Variants in NLRP2 observed in about 807,000 individuals in gnomAD.
The protein encoded by NLRP2 is NACHT, LRR and PYD domains-containing protein 2.
A neutral mutation model predicts 97.2 loss-of-function variants in NLRP2; 107 were observed. That is an observed-to-expected ratio of 1.10 (90% CI 0.94 to 1.29). The LOEUF is 1.29. NLRP2 is among the 50% of genes most tolerant of loss of function. NLRP2 has a pLI of 0.00. For missense variants in NLRP2, 1,495 were observed against 1,330.3 expected (o/e 1.12, Z -1.93); for synonymous variants, 663 against 551.5 (o/e 1.20, Z -2.83).
intron 4 of NLRP2, among the ~76,000 whole-genome samples, chr19:54,981,405 G>A (rs1244698850): frequency 6.6e-6 from 1 of 151,826 alleles, no homozygotes; most frequent in Non-Finnish European, 1.5e-5. Context: ...GAGCTCAAGT[G>A]ATCCACCCCA....
At chr19:54,986,956 G>A (rs1056326335) in intron 8 of NLRP2, among the ~76,000 whole-genome samples, 4 of 150,782 alleles carry the variant, frequency 2.7e-5, no homozygotes, top group African/African-American at 9.8e-5. Context: ...ATGATCTCAG[G>A]TCACTGCAGC....
At chr19:54,996,307 G>A (rs1568540627) in intron 11 of NLRP2, among the ~76,000 whole-genome samples, 1 of 151,980 alleles carries the variant, frequency 6.6e-6, no homozygotes, top group South Asian at 2.1e-4. Context: ...TCGTAGACCA[G>A]CCTGTCTCTA....
At chr19:54,973,344 G>GGTT (rs34737733) in intron 2 of NLRP2, among the ~76,000 whole-genome samples, 1 of 92,524 alleles carries the variant, frequency 1.1e-5, no homozygotes, top group Non-Finnish European at 2.0e-5. Context: ...ATGGGTGAGG[G>GGTT]TTTTTTTTTT....
chr19:54,999,026 C>CA lies in NLRP2; in HGVS notation c.3050+1540dup, dbSNP rs1327504973. On this transcript the variant is annotated intron_variant, in intron 12 of 12. Transcript: ENST00000448584. ...GAACAAAATGGGGGGCTGACCCCCC[C>CA]ACCTCCCTCCCGGACAGGGCGGCTG... 2.6e-3 allele frequency among the ~76,000 whole-genome samples: 239 copies of CA among 92,828 alleles called. 2 individuals carry two copies. Among genetic ancestry groups the CA allele is most frequent in the African/African-American group, 7.6e-3 (215 of 28,294 alleles). 60.9% of individuals were successfully genotyped at this position (92,828 alleles called of 152,430 possible).
intron 6 of NLRP2, 74 bp from the exon 7 acceptor site, chr19:54,984,973 G>A (rs1247157103): frequency 7.0e-7 from 1 of 1,434,038 alleles, no homozygotes; most frequent in Non-Finnish European, 9.8e-7. Flanking sequence ...AGGGGTATAT[G>A]CCCAGAGAAA....
Position 54,982,521 on chromosome 19 carries a change from C to G in NLRP2, c.823C>G (p.His275Asp), listed in dbSNP as rs138041237. 2 of 1,614,096 alleles carry G rather than the reference C, an allele frequency of 1.2e-6. No homozygotes were observed. Among genetic ancestry groups the G allele is most frequent in the Non-Finnish European group, 1.7e-6 (2 of 1,180,062 alleles). ...GCCTGAATTGCAGGATGACATTCCA[C>G]ACATCCTAGCCCAAGCACGGAAAAT... is the stretch of plus-strand genomic sequence containing the variant. ...DWPELQDDIP[H>D]ILAQARKILF... The change falls in exon 6 of 13, where the codon CAC (histidine) becomes GAC (aspartate). Residue 275 changes from histidine (H) to aspartate (D), a missense_variant. His to Asp is a moderately conservative substitution (Grantham distance 81). Transcript: ENST00000448584.
At chr19:54,988,937 AG>A in intron 8 of NLRP2, among the ~76,000 whole-genome samples, 1 of 152,182 alleles carries the variant, frequency 6.6e-6, no homozygotes, top group African/African-American at 2.4e-5. Flanking sequence ...TGGGAGGCCT[AG>A]GCTGGTGTAT....
chr19:55,000,643 A>C (rs16986158), intron 12 of NLRP2, 117 bp from the exon 13 acceptor site: 73,477 of 1,034,176 alleles, frequency 0.071, 3,135 homozygotes, highest in South Asian at 0.11. Context: ...CACCTAGAAT[A>C]ATCAGGAAAG....
intron 4 of NLRP2, among the ~76,000 whole-genome samples, chr19:54,980,866 T>C (rs902203297): frequency 5.3e-5 from 8 of 152,080 alleles, no homozygotes; most frequent in African/African-American, 1.7e-4. Flanking sequence ...TCCCAGCACT[T>C]TGGGAGGCTG....
chr19:55,000,025 C>T (rs1311600181), intron 12 of NLRP2, among the ~76,000 whole-genome samples: 2 of 152,060 alleles, frequency 1.3e-5, no homozygotes, highest in African/African-American at 4.8e-5. Context: ...GCATGACCCA[C>T]CACATCTGGC....
chr19:54,999,900 C>T (rs2073083590), intron 12 of NLRP2, among the ~76,000 whole-genome samples: 2 of 152,000 alleles, frequency 1.3e-5, no homozygotes, highest in African/African-American at 2.4e-5. Context: ...TCACACCCAA[C>T]TAACTTTTAT....
chr19:54,980,392 C>A (rs1425721959), intron 4 of NLRP2, among the ~76,000 whole-genome samples: 6 of 151,898 alleles, frequency 4.0e-5, no homozygotes, highest in Non-Finnish European at 7.4e-5. Context: ...GACAGGGTTT[C>A]ACCGTGTTAG....
At chr19:54,975,054 G>A (rs2071110258) in intron 3 of NLRP2, among the ~76,000 whole-genome samples, 1 of 145,872 alleles carries the variant, frequency 6.9e-6, no homozygotes, top group Non-Finnish European at 1.5e-5. Flanking sequence ...GCCCACCTCA[G>A]CGTCCCAAAA....
chr19:54,996,343 T>G (rs2072823427), intron 11 of NLRP2, among the ~76,000 whole-genome samples: 1 of 151,888 alleles, frequency 6.6e-6, no homozygotes, highest in African/African-American at 2.4e-5. Flanking sequence ...AAACCCTGTC[T>G]CTCTAAAACC....
At chr19:54,995,300 C>T (rs1160312727) in intron 11 of NLRP2, among the ~76,000 whole-genome samples, 1 of 145,902 alleles carries the variant, frequency 6.9e-6, no homozygotes, top group Non-Finnish European at 1.5e-5. Context: ...AAGTGATTCT[C>T]CTGCCTTAGC....
chr19:54,995,972 A>G (rs1276892510), intron 11 of NLRP2, among the ~76,000 whole-genome samples: 5 of 149,244 alleles, frequency 3.4e-5, no homozygotes, highest in Non-Finnish European at 7.4e-5. Flanking sequence ...CCTGGGAGGA[A>G]GAAGTTACAG....
In NLRP2 at chr19:54,986,160, C is replaced by T. The variant is rs759877478; in HGVS notation, c.2211C>T (p.Asn737=). 7 of 1,612,844 alleles carry T rather than the reference C, an allele frequency of 4.3e-6. No homozygotes were observed. The highest frequency in any genetic ancestry group is 2.2e-5 in the South Asian group (2 of 91,066). ...GTTCTCTTTTCCCTAGGTTCAAAAACATTTCCCCAGCTGATGCTCATCGGA... is the reference window on the plus strand; with the variant it reads ...GTTCTCTTTTCCCTAGGTTCAAAAATATTTCCCCAGCTGATGCTCATCGGA... ...TCHLQRVVFK[N]ISPADAHRNL... The change falls in exon 8 of 13, where the codon AAC becomes AAT. Residue 737 remains asparagine, a synonymous_variant. Transcript: ENST00000448584.
intron 3 of NLRP2, chr19:54,976,786 T>C: frequency 2.3e-6 from 1 of 431,398 alleles, no homozygotes; most frequent in Admixed American, 2.7e-5. Context: ...CAGATATTGT[T>C]ATTAGGATTC....
At chr19:54,971,859 C>T (rs893461534) in intron 2 of NLRP2, among the ~76,000 whole-genome samples, 1 of 152,136 alleles carries the variant, frequency 6.6e-6, no homozygotes, top group African/African-American at 2.4e-5. Context: ...GAGAGGATCT[C>T]ACTCTGTCAC....
Sources: allele counts gnomAD v4.1 joint callset (sites outside exome capture counted in the v4.1 genomes callset), GRCh38; gene constraint gnomAD v4.1.1; transcripts MANE v1.5; gene names NCBI Gene and HGNC (gene_info 2026-07-23, HGNC 2026-07-21).